The following XAB2 variants were observed in gnomAD, a reference collection of about 807,000 sequenced individuals.
The protein encoded by XAB2 is pre-mRNA-splicing factor SYF1.
In XAB2, 57 loss-of-function variants were observed where a neutral mutation model predicts 113.4. The ratio of observed to expected loss-of-function variants is 0.50; its 90% CI spans 0.41 to 0.63. The LOEUF is 0.63. XAB2 is among the 20% of genes least tolerant of loss of function. The pLI is 0.00. For synonymous variants in XAB2, 497 were observed against 498.8 expected (o/e 1.00, Z 0.05); for missense variants, 1,037 against 1,233.3 (o/e 0.84, Z 2.38).
Position 7,624,266 on chromosome 19 carries a change from T to G in XAB2, c.967+35A>C. On this transcript the variant is annotated intron_variant, in intron 7 of 18. Transcript: ENST00000358368. This position sits in a 1 kb window ranked among gnomAD's most constrained non-coding sequence, Gnocchi z 4.2. Reference sequence around the variant, plus strand: ...CCCCTACCGCTAATGTCCACTCAGCTCTCTCCCCACCAGCCGGGGCCCCCA... The same window carrying G: ...CCCCTACCGCTAATGTCCACTCAGCGCTCTCCCCACCAGCCGGGGCCCCCA... The G allele has an allele frequency of 6.2e-7, 1 of 1,609,108 alleles. No individual in the cohort carries two copies. The highest frequency in any genetic ancestry group is 8.5e-7 in the Non-Finnish European group (1 of 1,179,862).
At position 7,623,683 on chromosome 19, in the gene XAB2, T is replaced by A; in HGVS notation, c.1119+48A>T. ...GTGAAGGTGGGTGGCTCCCCAGTTC[T>A]GCAGGAAACTGGCCCTCAGGGGTAG... On this transcript the variant is annotated intron_variant, in intron 8 of 18. Coordinates refer to ENST00000358368, the MANE Select transcript of XAB2 (RefSeq NM_020196.3). The surrounding 1 kb of genome is among the most constrained non-coding windows in gnomAD (Gnocchi z 4.6). 6.5e-7 allele frequency: 1 copy of A among 1,533,840 alleles called. No individual in the cohort carries two copies. The highest frequency in any genetic ancestry group is 1.2e-5 in the South Asian group (1 of 80,496).
At position 7,627,701 on chromosome 19, in the gene XAB2, G is replaced by T. The variant is rs769363653; in HGVS notation, c.324+27C>A. On this transcript the variant is annotated intron_variant, in intron 3 of 18. Coordinates refer to ENST00000358368, the MANE Select transcript of XAB2 (RefSeq NM_020196.3). This position sits in a 1 kb window ranked among gnomAD's most constrained non-coding sequence, Gnocchi z 4.5. ...CACCATGGACTGAGCTCCACTTCCC[G>T]ATTCATCCCCTCGCCGAGCCCCAAA... 2.1e-6 allele frequency: 3 copies of T among 1,437,714 alleles called. No homozygotes were observed. In the East Asian group the frequency reaches 9.7e-5, roughly 47 times the overall value. The allele number at this position is 1,437,714 out of a possible 1,614,324, so 89.1% of individuals were successfully genotyped here.
chr19:7,628,296 C>T lies in XAB2; in HGVS notation c.54G>A (p.Glu18=), dbSNP rs745940749. ...CCTCCTCATAGGGGAGGTCCTCTTC[C>T]TCCTGCCAGGGCCAGGGAATGGGAA... The part of the protein sequence containing the change: ...SRPERPDLVF[E]EEDLPYEEEI... Residue 18 remains glutamate, a splice_region_variant and synonymous_variant, in exon 2 of 19, where the codon GAG becomes GAA. Transcript: ENST00000358368. This position sits in a 1 kb window ranked among gnomAD's most constrained non-coding sequence, Gnocchi z 4.6. The T allele has an allele frequency of 6.2e-7, 1 of 1,614,042 alleles. No individual in the cohort carries two copies. The highest frequency in any genetic ancestry group is 8.5e-7 in the Non-Finnish European group (1 of 1,180,024).
rs753378392 is a variant in XAB2 at position 7,624,347 on chromosome 19, G to A, written c.921C>T (p.Ile307=). 61 of 1,614,108 alleles carry A rather than the reference G, an allele frequency of 3.8e-5. No homozygotes were observed. The highest frequency in any genetic ancestry group is 4.7e-5 in the Non-Finnish European group (56 of 1,180,026). Residue 307 remains isoleucine (I), a synonymous_variant, in exon 7 of 19, where the codon ATC becomes ATT. Coordinates refer to ENST00000358368, the MANE Select transcript of XAB2 (RefSeq NM_020196.3). The surrounding 1 kb of genome is among the most constrained non-coding windows in gnomAD (Gnocchi z 4.2). The part of the protein sequence containing the change: ...DSYAQFEESM[I]AAKMETASEL... ...CCGAGGCGGTCTCCATCTTTGCAGC[G>A]ATCATGCTCTCCTCGAACTGGGCGT...
At position 7,623,699 on chromosome 19, in the gene XAB2, T is replaced by G. The variant is rs778068204; in HGVS notation, c.1119+32A>C. On this transcript the variant is annotated intron_variant, in intron 8 of 18. Coordinates refer to ENST00000358368, the MANE Select transcript of XAB2 (RefSeq NM_020196.3). This position sits in a 1 kb window ranked among gnomAD's most constrained non-coding sequence, Gnocchi z 4.6. The stretch of plus-strand genomic sequence containing the variant: ...CCCCAGTTCTGCAGGAAACTGGCCC[T>G]CAGGGGTAGGACTGGGGCAGGCTTC... 2.6e-6 allele frequency: 4 copies of G among 1,550,834 alleles called. No homozygotes were observed. The highest frequency in any genetic ancestry group is 1.9e-5 in the Admixed American group (1 of 52,008).
chr19:7,620,359 G>A lies in XAB2; in HGVS notation c.2182C>T (p.Arg728Cys), dbSNP rs1309446768. 7 of 1,613,368 alleles carry A rather than the reference G, an allele frequency of 4.3e-6. No homozygotes were observed. Among genetic ancestry groups the A allele is most frequent in the Non-Finnish European group, 5.1e-6 (6 of 1,180,002 alleles). The change falls in exon 16 of 19, where the codon CGC (arginine) becomes TGC (cysteine). Residue 728 changes from arginine to cysteine, a missense_variant. By Grantham distance (180) the Arg-to-Cys change is radical. Transcript: ENST00000358368. ...DTIKEMLRIR[R>C]SVQATYNTQV... ...GTGTTGTACGTGGCCTGCACGCTGCGCCGGATACGCAGCATTTCCTTGATG... is the reference window on the plus strand; with the variant it reads ...GTGTTGTACGTGGCCTGCACGCTGCACCGGATACGCAGCATTTCCTTGATG...
chr19:7,624,498 C>A lies in XAB2; in HGVS notation c.823-53G>T, dbSNP rs1460984970. 8 of 1,610,544 alleles carry A rather than the reference C, an allele frequency of 5.0e-6. No individual in the cohort carries two copies. Among genetic ancestry groups the A allele is most frequent in the Non-Finnish European group, 6.8e-6 (8 of 1,179,620 alleles). On this transcript the variant is annotated intron_variant, in intron 6 of 18. Transcript: ENST00000358368. This position sits in a 1 kb window ranked among gnomAD's most constrained non-coding sequence, Gnocchi z 4.2. ...AGAGGAAAGTGGCGCAGGGGACAGG[C>A]AGCAGCACTCTTAGCACCAGCCTCA...
In XAB2 at chr19:7,623,618, C is replaced by T. The variant is rs181218462; in HGVS notation, c.1119+113G>A. 4 of 1,417,060 alleles carry T rather than the reference C, an allele frequency of 2.8e-6. No homozygotes were observed. The Admixed American group carries it at 6.9e-5, about 24-fold the overall frequency. 87.8% of individuals were successfully genotyped at this position (1,417,060 alleles called of 1,614,324 possible). A position where few individuals can be genotyped will look rare whatever the true frequency, so the allele number is the denominator to read the frequency against. The stretch of plus-strand genomic sequence containing the variant: ...CCCAAGAACAGGGGTGGAATTGGAC[C>T]TACTAAGCAAAGTCAGGCCCCTAGA... On this transcript the variant is annotated intron_variant, in intron 8 of 18. Coordinates refer to ENST00000358368, the MANE Select transcript of XAB2 (RefSeq NM_020196.3). This position sits in a 1 kb window ranked among gnomAD's most constrained non-coding sequence, Gnocchi z 4.6.
Position 7,628,295 on chromosome 19 carries a change from C to T in XAB2, c.55G>A (p.Glu19Lys), listed in dbSNP as rs773188484. ...RPERPDLVFE[E>K]EDLPYEEEIM... ...TCCTCCTCATAGGGGAGGTCCTCTTCCTCCTGCCAGGGCCAGGGAATGGGA... is the reference window on the plus strand; with the variant it reads ...TCCTCCTCATAGGGGAGGTCCTCTTTCTCCTGCCAGGGCCAGGGAATGGGA... Residue 19 changes from glutamate (E) to lysine (K), a missense_variant, in exon 2 of 19, where the codon GAA becomes AAA. Glu to Lys is a moderately conservative substitution (Grantham distance 56, BLOSUM62 1). Transcript: ENST00000358368. The surrounding 1 kb of genome is among the most constrained non-coding windows in gnomAD (Gnocchi z 4.6). The T allele has an allele frequency of 1.9e-6, 3 of 1,614,050 alleles. No homozygotes were observed. The highest frequency in any genetic ancestry group is 4.5e-5 in the East Asian group (2 of 44,882).
intron 12 of XAB2, 128 bp from the exon 13 acceptor site, chr19:7,621,425 C>T: frequency 1.0e-6 from 1 of 995,774 alleles, no homozygotes; most frequent in Non-Finnish European, 1.5e-6. Context: ...CTGTCCACGC[C>T]TCCCTGTCCC....
intron 12 of XAB2, chr19:7,621,820 G>A (rs1240861282): frequency 3.7e-5 from 7 of 190,018 alleles, no homozygotes; most frequent in East Asian, 2.8e-4. Context: ...GGGAGAGCCC[G>A]CACACACTGG....
chr19:7,623,048 A>T lies in XAB2; in HGVS notation c.1239+122T>A. ...CATGCGTGCACATATGCATGCACCC[A>T]AATGCACATGCACACACACGTGCAC... On this transcript the variant is annotated intron_variant, in intron 9 of 18. Transcript: ENST00000358368. This position sits in a 1 kb window ranked among gnomAD's most constrained non-coding sequence, Gnocchi z 4.6. The T allele has an allele frequency of 6.5e-7, 1 of 1,546,446 alleles. No homozygotes were observed.
At position 7,623,302 on chromosome 19, in the gene XAB2, G is replaced by A. The variant is rs1019244805; in HGVS notation, c.1120-13C>T. The A allele has an allele frequency of 3.7e-6, 6 of 1,612,938 alleles. No individual in the cohort carries two copies. In the Admixed American group the frequency reaches 1.0e-4, roughly 27 times the overall value. On this transcript the variant is annotated splice_polypyrimidine_tract_variant and intron_variant, in intron 8 of 18. Transcript: ENST00000358368. The surrounding 1 kb of genome is among the most constrained non-coding windows in gnomAD (Gnocchi z 4.6). Reference sequence around the variant, plus strand: ...AGGTGTTGATGATCTGGGGACAGGAGGGAGGAGGTCATATAGGACTCAGGA... The same window carrying A: ...AGGTGTTGATGATCTGGGGACAGGAAGGAGGAGGTCATATAGGACTCAGGA...
In XAB2 at chr19:7,627,551, G is replaced by A; in HGVS notation, c.325-111C>T. 6.6e-7 allele frequency: 1 copy of A among 1,508,952 alleles called. No homozygotes were observed. Among genetic ancestry groups the A allele is most frequent in the Non-Finnish European group, 9.0e-7 (1 of 1,112,530 alleles). 93.5% of individuals were successfully genotyped at this position (1,508,952 alleles called of 1,614,324 possible). On this transcript the variant is annotated intron_variant, in intron 3 of 18. Transcript: ENST00000358368. This position sits in a 1 kb window ranked among gnomAD's most constrained non-coding sequence, Gnocchi z 4.5. ...CACCTGGGGCCACCACATAAATGCG[G>A]CGGGACCCAGAAACCCCCAGCTCCA...
chr19:7,621,477 CTG>C (rs1041722204), intron 12 of XAB2, 180 bp from the exon 13 acceptor site: 56 of 649,424 alleles, frequency 8.6e-5, no homozygotes, highest in South Asian at 7.7e-5. Flanking sequence ...CTGTCTCCCT[CTG>C]TGAGAACCCC....
At position 7,627,935 on chromosome 19, in the gene XAB2, G is replaced by A. The variant is rs752426225; in HGVS notation, c.201-84C>T. On this transcript the variant is annotated intron_variant, in intron 2 of 18. Coordinates refer to ENST00000358368, the MANE Select transcript of XAB2 (RefSeq NM_020196.3). The surrounding 1 kb of genome is among the most constrained non-coding windows in gnomAD (Gnocchi z 4.5). ...ATTTGCCCTGCCCCAGTTGGCAAAT[G>A]TGGGAAGAAGGGGTGTGGGAGGGGT... 8 of 1,561,770 alleles carry A rather than the reference G, an allele frequency of 5.1e-6. No individual in the cohort carries two copies. Among genetic ancestry groups the A allele is most frequent in the Non-Finnish European group, 7.0e-6 (8 of 1,150,746 alleles).
intron 12 of XAB2, 133 bp downstream of exon 12, chr19:7,622,198 T>A (rs2031047755): frequency 1.1e-6 from 1 of 875,136 alleles, no homozygotes; most frequent in South Asian, 1.6e-5. Context: ...GGGGAGAAGC[T>A]AAATCTTTGT....
Position 7,621,136 on chromosome 19 carries a change from CTT to C in XAB2, c.1777_1778del (p.Lys593AspfsTer37). Reference protein sequence around the residue: ...ALDGCPPKYAKTLYLLYAQLE... With the variant: ...ALDGCPPKYAXTLYLLYAQLE... ...CCCCATGCCCTCTGCCCGCCTCACTCTTGGCATATTTTGGGGGGCAGCCGTCC... is the reference window on the plus strand; with the variant it reads ...CCCCATGCCCTCTGCCCGCCTCACTCGGCATATTTTGGGGGGCAGCCGTCC... On this transcript the variant is annotated frameshift_variant and splice_region_variant, in exon 13 of 19. Coordinates refer to ENST00000358368, the MANE Select transcript of XAB2 (RefSeq NM_020196.3). LOFTEE classifies it high-confidence loss of function. 1.3e-6 allele frequency: 2 copies of C among 1,596,880 alleles called. No individual in the cohort carries two copies. The highest frequency in any genetic ancestry group is 1.7e-6 in the Non-Finnish European group (2 of 1,170,842).
In XAB2 at chr19:7,619,827, T is replaced by C. The variant is rs747283014; in HGVS notation, c.2426A>G (p.Glu809Gly). Residue 809 changes from glutamate (E) to glycine (G), a missense_variant, in exon 18 of 19, where the codon GAG becomes GGG. Transcript: ENST00000358368. ...CTCGGGGTTGACCTGCTGTGCCAGCTCTGCCAGCTCCTCCCGGGAGGCGTC... is the reference window on the plus strand; with the variant it reads ...CTCGGGGTTGACCTGCTGTGCCAGCCCTGCCAGCTCCTCCCGGGAGGCGTC... ...RSDASREELAELAQQVNPEEI... is the reference protein window; with the variant it reads ...RSDASREELAGLAQQVNPEEI... 1.9e-6 allele frequency: 3 copies of C among 1,612,998 alleles called. No individual in the cohort carries two copies. The East Asian group carries it at 6.7e-5, about 36-fold the overall frequency.
Sources: gnomAD v4.1 joint callset for allele counts on GRCh38, gnomAD v4.1.1 for gene constraint, Gnocchi (gnomAD v3.1) non-coding constraint, MANE v1.5 for transcripts, NCBI Gene and HGNC (gene_info 2026-07-23, HGNC 2026-07-21) for gene names.